The following NRG3 variants were observed in gnomAD, a reference collection of about 807,000 sequenced individuals.
NRG3 encodes the protein neuregulin 3.
Under a neutral mutation model 66.9 loss-of-function variants are expected in NRG3, and 31 were observed. That is an observed-to-expected ratio of 0.46 (90% CI 0.35 to 0.63). NRG3 has a LOEUF of 0.63. Among genes scored for constraint, NRG3 ranks in the 20% least tolerant of loss-of-function variants. NRG3 has a pLI of 0.00. For synonymous variants in NRG3, 393 were observed against 359.4 expected (o/e 1.09, Z -1.06); for missense variants, 910 against 878.9 (o/e 1.04, Z -0.45).
At chr10:82,581,805 C>G (rs2046371109) in intron 2 of NRG3, among the ~76,000 whole-genome samples, 1 of 151,870 alleles carries the variant, frequency 6.6e-6, no homozygotes, top group South Asian at 2.1e-4. Context: ...CCAAGGTAAC[C>G]TAGATTTTTT....
intron 2 of NRG3, among the ~76,000 whole-genome samples, chr10:82,421,156 A>G (rs1044555101): frequency 6.6e-6 from 1 of 152,154 alleles, no homozygotes; most frequent in Non-Finnish European, 1.5e-5. Flanking sequence ...TCTATGAGTG[A>G]ACCTTCACTA....
intron 3 of NRG3, among the ~76,000 whole-genome samples, chr10:82,856,756 CAAA>C (rs67224862): frequency 2.8e-5 from 3 of 107,480 alleles, no homozygotes; most frequent in Admixed American, 1.2e-4. Flanking sequence ...AAAAAAAAAA[CAAA>C]AAAAAAAAAA....
intron 1 of NRG3, among the ~76,000 whole-genome samples, chr10:81,927,608 C>T (rs1414084083): frequency 6.6e-6 from 1 of 151,986 alleles, no homozygotes; most frequent in African/African-American, 2.4e-5. Flanking sequence ...TTTGTGTCTT[C>T]GATTTACAAA....
Position 82,738,566 on chromosome 10 carries a change from C to A in NRG3, c.954-11C>A, listed in dbSNP as rs1281040187. 6.2e-7 allele frequency: 1 copy of A among 1,612,346 alleles called. No individual in the cohort carries two copies. Among genetic ancestry groups the A allele is most frequent in the African/African-American group, 1.3e-5 (1 of 74,872 alleles). On this transcript the variant is annotated splice_polypyrimidine_tract_variant and intron_variant, in intron 2 of 8. Transcript: ENST00000372141. ...ACATGCGTATGTTTGTCATTTATCC[C>A]CTTTTCTCAGGTGCAAAGAAGGCTA...
chr10:82,222,186 A>C (rs1323653213), intron 1 of NRG3, among the ~76,000 whole-genome samples: 1 of 152,024 alleles, frequency 6.6e-6, no homozygotes, highest in African/African-American at 2.4e-5. Context: ...TATCAATATA[A>C]AACAAATTTC....
intron 1 of NRG3, among the ~76,000 whole-genome samples, chr10:82,271,789 G>C (rs1213394540): frequency 2.6e-5 from 4 of 152,016 alleles, no homozygotes; most frequent in African/African-American, 9.7e-5. Flanking sequence ...ACCTTTCTAA[G>C]GAAGTTTACT....
intron 1 of NRG3, among the ~76,000 whole-genome samples, chr10:82,356,514 A>G (rs1419975878): frequency 1.3e-5 from 2 of 152,208 alleles, no homozygotes; most frequent in Non-Finnish European, 2.9e-5. Context: ...GTGACTGTTT[A>G]TCACGTACTG....
chr10:82,699,634 A>G lies in NRG3; in HGVS notation c.954-38943A>G, dbSNP rs113083447. Among the ~76,000 whole-genome samples, 7 of 152,124 alleles carry G rather than the reference A, an allele frequency of 4.6e-5. 1 individual carries two copies. Among genetic ancestry groups the G allele is most frequent in the African/African-American group, 1.7e-4 (7 of 41,510 alleles). ...GTCGATCTCTAATGGCTCTGAGCAG[A>G]TGCGCCCTACTTGGTGCACTTGTTC... On this transcript the variant is annotated intron_variant, in intron 2 of 8. Transcript: ENST00000372141.
At chr10:82,789,822 C>CT (rs201024169) in intron 3 of NRG3, among the ~76,000 whole-genome samples, 28 of 146,594 alleles carry the variant, frequency 1.9e-4, no homozygotes, top group South Asian at 2.2e-4. Context: ...TTTTAATTCC[C>CT]TTTTTTTTTT....
intron 3 of NRG3, among the ~76,000 whole-genome samples, chr10:82,774,821 CTT>C (rs992021420): frequency 1.3e-5 from 1 of 78,020 alleles, no homozygotes; most frequent in Non-Finnish European, 2.4e-5. Flanking sequence ...TTTCTTTTTT[CTT>C]TTTTTTTTTT....
At chr10:81,928,362 T>C (rs1847015357) in intron 1 of NRG3, among the ~76,000 whole-genome samples, 1 of 152,180 alleles carries the variant, frequency 6.6e-6, no homozygotes, top group Admixed American at 6.5e-5. Context: ...TCTCAGGTAG[T>C]GCGGAGTTTC....
intron 2 of NRG3, among the ~76,000 whole-genome samples, chr10:82,581,504 A>G (rs2046353802): frequency 6.6e-6 from 1 of 152,038 alleles, no homozygotes; most frequent in South Asian, 2.1e-4. Flanking sequence ...GGTACTTCAT[A>G]TAAAATTAAT....
At chr10:82,473,462 C>G (rs1014492715) in intron 2 of NRG3, among the ~76,000 whole-genome samples, 7 of 151,416 alleles carry the variant, frequency 4.6e-5, no homozygotes, top group African/African-American at 1.7e-4. Flanking sequence ...AACATGAAAA[C>G]AAACAAACAA....
At chr10:82,763,290 A>G (rs2059396211) in intron 3 of NRG3, among the ~76,000 whole-genome samples, 1 of 152,212 alleles carries the variant, frequency 6.6e-6, no homozygotes, top group Non-Finnish European at 1.5e-5. Flanking sequence ...AGGCCACAGG[A>G]AAAATTCATG....
chr10:81,914,769 CAAAAA>C (rs58460918), intron 1 of NRG3, among the ~76,000 whole-genome samples: 3 of 67,180 alleles, frequency 4.5e-5, no homozygotes, highest in Non-Finnish European at 6.3e-5. Context: ...AAACAGAAAG[CAAAAA>C]AAAAAAAAAA....
intron 3 of NRG3, among the ~76,000 whole-genome samples, chr10:82,778,557 C>G (rs139168189): frequency 1.0e-3 from 152 of 152,270 alleles, no homozygotes; most frequent in Middle Eastern, 3.4e-3. Context: ...ACCGCCCCTA[C>G]GATCCAATTA....
intron 2 of NRG3, among the ~76,000 whole-genome samples, chr10:82,583,511 T>A (rs1291711057): frequency 2.0e-5 from 3 of 152,336 alleles, no homozygotes; most frequent in African/African-American, 7.2e-5. Context: ...ATCTTAAGTA[T>A]TTGGTACTGT....
chr10:82,771,591 A>G (rs2059713234), intron 3 of NRG3, among the ~76,000 whole-genome samples: 1 of 152,136 alleles, frequency 6.6e-6, no homozygotes, highest in Non-Finnish European at 1.5e-5. Flanking sequence ...GCAGAGGGAA[A>G]AACATTCTTA....
At chr10:82,563,061 C>A (rs915508561) in intron 2 of NRG3, among the ~76,000 whole-genome samples, 4 of 151,980 alleles carry the variant, frequency 2.6e-5, no homozygotes, top group African/African-American at 9.7e-5. Flanking sequence ...AGTGTATACC[C>A]ACGTATATAA....
Sources: gnomAD v4.1 joint callset for allele counts (sites outside exome capture counted in the v4.1 genomes callset) on GRCh38, gnomAD v4.1.1 for gene constraint, MANE v1.5 for transcripts, NCBI Gene and HGNC (gene_info 2026-07-23, HGNC 2026-07-21) for gene names.